GTPBP3: variants seen among roughly 807,000 people sequenced by gnomAD.
The protein encoded by GTPBP3 is 5-taurinomethyluridine-[tRNA] synthase subunit GTPB3, mitochondrial.
In GTPBP3, 35 loss-of-function variants were observed where a neutral mutation model predicts 42.0. The ratio of observed to expected loss-of-function variants is 0.83; its 90% CI spans 0.64 to 1.10. The LOEUF (loss-of-function observed/expected upper bound fraction) is 1.10. Ranked by LOEUF, GTPBP3 falls within the 50% of genes least tolerant of loss-of-function variation. The pLI is 0.00. For synonymous variants in GTPBP3, 332 were observed against 314.9 expected (o/e 1.05, Z -0.58); for missense variants, 691 against 685.2 (o/e 1.01, Z -0.09).
chr19:17,340,508 T>A, intron 7 of GTPBP3, among the ~76,000 whole-genome samples: 1 of 136,634 alleles, frequency 7.3e-6, no homozygotes, highest in Admixed American at 7.5e-5. Context: ...GTCCACCCCC[T>A]ACATTCTGCC....
At position 17,338,142 on chromosome 19, in the gene GTPBP3, G is replaced by A. The variant is rs1404625905; in HGVS notation, c.188G>A (p.Arg63Gln). 1.3e-6 allele frequency: 2 copies of A among 1,596,042 alleles called. No individual in the cohort carries two copies. Among genetic ancestry groups the A allele is most frequent in the African/African-American group, 1.3e-5 (1 of 74,730 alleles). The change falls in exon 2 of 9, where the codon CGA (arginine) becomes CAA (glutamine). Residue 63 changes from arginine to glutamine, a missense_variant. By Grantham distance (43) the Arg-to-Gln change is conservative. Transcript: ENST00000324894. Reference sequence around the variant, plus strand: ...GGCCCCGCCAGCGGCCACGCCCTCCGAATTCTCACAGCACCCCGAGACCTG... The same window carrying A: ...GGCCCCGCCAGCGGCCACGCCCTCCAAATTCTCACAGCACCCCGAGACCTG... ...TSGPASGHAL[R>Q]ILTAPRDLPL...
upstream of GTPBP3, chr19:17,336,704 A>C (rs1027775747): frequency 3.3e-5 from 5 of 152,212 alleles, no homozygotes; most frequent in Admixed American, 3.3e-4. Flanking sequence ...GAATTCCACC[A>C]TCAGCGCTTT....
intron 1 of GTPBP3, 134 bp from the exon 2 acceptor site, chr19:17,337,873 GA>G: frequency 5.4e-6 from 7 of 1,306,596 alleles, no homozygotes; most frequent in Non-Finnish European, 7.2e-6. Context: ...TCGGCCTTCA[GA>G]ACATCCAATT....
At chr19:17,337,295 C>T (rs992521462), upstream of GTPBP3, 1 of 312,616 alleles carries the variant, frequency 3.2e-6, no homozygotes, top group African/African-American at 2.1e-5. Flanking sequence ...CTGTGCCAAA[C>T]TCTGTCCTTT....
Position 17,342,009 on chromosome 19 carries a change from G to A in GTPBP3, c.*306G>A. 3.4e-6 allele frequency: 1 copy of A among 291,506 alleles called. No individual in the cohort carries two copies. Among genetic ancestry groups the A allele is most frequent in the Non-Finnish European group, 6.3e-6 (1 of 158,980 alleles). The allele number at this position is 291,506 out of a possible 1,614,324, so 18.1% of individuals were successfully genotyped here. On this transcript the variant is annotated 3_prime_UTR_variant, in exon 9 of 9. Transcript: ENST00000324894. ...TTTATTTATTTTGCAAATACCAAAG[G>A]AATGTAAAAAAAACTCAGGTGATCT... is the stretch of plus-strand genomic sequence containing the variant.
intron 8 of GTPBP3, 51 bp downstream of exon 8, chr19:17,341,373 G>A (rs370878157): frequency 3.2e-6 from 5 of 1,554,610 alleles, no homozygotes; most frequent in African/African-American, 2.7e-5. Context: ...TTAAGTGTGG[G>A]TCCCTCAACT....
In GTPBP3 at chr19:17,341,191, C is replaced by G; in HGVS notation, c.1122C>G (p.Asn374Lys). 1 of 1,611,700 alleles carries G rather than the reference C, an allele frequency of 6.2e-7. No individual in the cohort carries two copies. The highest frequency in any genetic ancestry group is 8.5e-7 in the Non-Finnish European group (1 of 1,179,948). Residue 374 changes from asparagine (N) to lysine (K), a missense_variant, in exon 8 of 9, where the codon AAC (asparagine) becomes AAG (lysine). Asn to Lys is a moderately conservative substitution (Grantham distance 94). Coordinates refer to ENST00000324894, the MANE Select transcript of GTPBP3 (RefSeq NM_032620.4). ...DSSQRLLLVL[N>K]KSDLLSPEGP... is the part of the protein sequence containing the mutation. The stretch of plus-strand genomic sequence containing the variant: ...GCCAGCGCCTCCTCCTGGTGCTGAA[C>G]AAGTCGGACCTGCTGTCCCCGGAGG...
At position 17,339,460 on chromosome 19, in the gene GTPBP3, C is replaced by T. The variant is rs1381487425; in HGVS notation, c.835C>T (p.Pro279Ser). 1 of 1,613,816 alleles carries T rather than the reference C, an allele frequency of 6.2e-7. No individual in the cohort carries two copies. Among genetic ancestry groups the T allele is most frequent in the East Asian group, 2.2e-5 (1 of 44,896 alleles). ...LSRKPVSIVS[P>S]EPGTTRDVLE... ...TCGGAAGCCTGTGTCCATCGTGTCC[C>T]CGGAGCCAGGGACCACCCGTGACGT... The change falls in exon 7 of 9, where the codon CCG becomes TCG. Residue 279 changes from proline to serine, a missense_variant. Coordinates refer to ENST00000324894, the MANE Select transcript of GTPBP3 (RefSeq NM_032620.4).
chr19:17,336,108 C>A (rs952465723), upstream of GTPBP3, among the ~76,000 whole-genome samples: 2 of 151,730 alleles, frequency 1.3e-5, no homozygotes, highest in Non-Finnish European at 2.9e-5. Context: ...TGGTGGCGCA[C>A]GCCTGTAGTC....
chr19:17,340,977 G>T, intron 7 of GTPBP3, 67 bp from the exon 8 acceptor site: 1 of 1,552,856 alleles, frequency 6.4e-7, no homozygotes. Flanking sequence ...CCCTCTAACT[G>T]TCCCTCCACC....
Position 17,341,332 on chromosome 19 carries a change from C to A in GTPBP3, c.1253+10C>A. 4 of 1,579,400 alleles carry A rather than the reference C, an allele frequency of 2.5e-6. No homozygotes were observed. Among genetic ancestry groups the A allele is most frequent in the Non-Finnish European group, 2.6e-6 (3 of 1,164,148 alleles). On this transcript the variant is annotated intron_variant, in intron 8 of 8. Coordinates refer to ENST00000324894, the MANE Select transcript of GTPBP3 (RefSeq NM_032620.4). ...AGGAGCTAGCTGCAGTGTGAGCCCC[C>A]TCCCACTCCCAGCCTCCCCTGACCC...
intron 1 of GTPBP3, 135 bp downstream of exon 1, chr19:17,337,799 C>A (rs2074381014): frequency 4.0e-6 from 5 of 1,264,326 alleles, no homozygotes; most frequent in Admixed American, 5.9e-5. Flanking sequence ...TCGTTCATGA[C>A]CCTTGCGGCA....
intron 1 of GTPBP3, 27 bp from the exon 2 acceptor site, chr19:17,337,981 G>A (rs1568365455): frequency 5.6e-6 from 9 of 1,593,916 alleles, no homozygotes; most frequent in Non-Finnish European, 6.8e-6. Flanking sequence ...TCCCAGGTGC[G>A]CTGATTCGCC....
chr19:17,336,613 C>A (rs2074370684), upstream of GTPBP3: 4 of 152,236 alleles, frequency 2.6e-5, no homozygotes, highest in Admixed American at 2.6e-4. Context: ...CACGCAAGTG[C>A]GCCGCCCGCC....
rs780408730 is a variant in GTPBP3, at chr19:17,338,216, G to A, written c.262G>A (p.Gly88Arg). The change falls in exon 2 of 9, where the codon GGG becomes AGG. Residue 88 changes from glycine (G) to arginine (R), a missense_variant. Gly to Arg is a moderately radical substitution (Grantham distance 125, BLOSUM62 -2). Transcript: ENST00000324894. ...SLRLLSDPRS[G>R]EPLDRALVLW... ...GCGCCTGCTCAGCGATCCCCGCTCC[G>A]GGGAGCCTCTGGACCGCGCACTGGT... The A allele has an allele frequency of 6.3e-7, 1 of 1,583,208 alleles. No homozygotes were observed. The highest frequency in any genetic ancestry group is 1.3e-5 in the African/African-American group (1 of 74,328).
chr19:17,336,235 C>CAAA (rs1196472362), upstream of GTPBP3, among the ~76,000 whole-genome samples: 3 of 15,802 alleles, frequency 1.9e-4, no homozygotes, highest in African/African-American at 2.6e-4. Context: ...GACCCCGTCT[C>CAAA]AAAAAAAAAA....
In GTPBP3 at chr19:17,339,536, C is replaced by G. The variant is rs888732411; in HGVS notation, c.911C>G (p.Thr304Arg). ...GGATTTCCTGTGCTGCTGAGCGACA[C>G]GGCTGGGTTGCGGGAGGGCGTGGGG... ...LAGFPVLLSDTAGLREGVGPV... is the reference protein window; with the variant it reads ...LAGFPVLLSDRAGLREGVGPV... Residue 304 changes from threonine (T) to arginine (R), a missense_variant, in exon 7 of 9, where the codon ACG (threonine) becomes AGG (arginine). Transcript: ENST00000324894. 2 of 1,613,450 alleles carry G rather than the reference C, an allele frequency of 1.2e-6. No homozygotes were observed. Among genetic ancestry groups the G allele is most frequent in the African/African-American group, 2.7e-5 (2 of 74,908 alleles).
intron 7 of GTPBP3, 28 bp from the exon 8 acceptor site, chr19:17,341,016 C>T (rs753074664): frequency 1.9e-6 from 3 of 1,600,584 alleles, no homozygotes; most frequent in Admixed American, 1.7e-5. Flanking sequence ...AACCTGGGAT[C>T]CCCGCTCAGT....
At position 17,341,097 on chromosome 19, in the gene GTPBP3, C is replaced by T; in HGVS notation, c.1028C>T (p.Ser343Phe). ...LAMLDASDLASPSSCNFLATV... is the reference protein window; with the variant it reads ...LAMLDASDLAFPSSCNFLATV... ...ATGCTGGATGCTTCTGACCTGGCCT[C>T]TCCCTCCAGTTGCAACTTCCTGGCC... Residue 343 changes from serine (S) to phenylalanine (F), a missense_variant, in exon 8 of 9, where the codon TCT becomes TTT. Transcript: ENST00000324894. 1 of 1,613,966 alleles carries T rather than the reference C, an allele frequency of 6.2e-7. No homozygotes were observed. The highest frequency in any genetic ancestry group is 2.2e-5 in the East Asian group (1 of 44,880).
Sources: gnomAD v4.1 joint callset for allele counts (sites outside exome capture counted in the v4.1 genomes callset) on GRCh38, gnomAD v4.1.1 for gene constraint, MANE v1.5 for transcripts, NCBI Gene and HGNC (gene_info 2026-07-23, HGNC 2026-07-21) for gene names.